The following AGXT2 variants were observed in gnomAD, a reference collection of about 807,000 sequenced individuals.
AGXT2 encodes the protein alanine--glyoxylate aminotransferase 2, also known as alanine--glyoxylate aminotransferase 2, mitochondrial.
In AGXT2, 61 loss-of-function variants were observed where a neutral mutation model predicts 62.5. The ratio of observed to expected loss-of-function variants is 0.98; its 90% CI spans 0.79 to 1.21. The LOEUF is 1.21. Among genes scored for constraint, AGXT2 ranks in the 50% most tolerant of loss-of-function variants. The pLI is 0.00. For synonymous variants in AGXT2, 243 were observed against 218.7 expected (o/e 1.11, Z -0.98); for missense variants, 666 against 641.5 (o/e 1.04, Z -0.41).
Position 35,040,648 on chromosome 5 carries a change from G to C in AGXT2, c.104C>G (p.Thr35Arg), listed in dbSNP as rs1464626621. 1.9e-6 allele frequency: 3 copies of C among 1,613,792 alleles called. No homozygotes were observed. The highest frequency in any genetic ancestry group is 2.5e-6 in the Non-Finnish European group (3 of 1,179,696). Residue 35 changes from threonine to arginine, a missense_variant, in exon 2 of 14, where the codon ACA (threonine) becomes AGA (arginine). Coordinates refer to ENST00000231420, the MANE Select transcript of AGXT2 (RefSeq NM_031900.4). ...HPFLSLGTSRTSVTKLSLHTK... is the reference protein window; with the variant it reads ...HPFLSLGTSRRSVTKLSLHTK... ...ATGAAGACTGAGCTTGGTTACTGAT[G>C]TCCGGGAAGTACCTACTGAAAGTGA...
intron 9 of AGXT2, among the ~76,000 whole-genome samples, chr5:35,018,071 T>C (rs1294069483): frequency 6.6e-6 from 1 of 152,128 alleles, no homozygotes; most frequent in East Asian, 1.9e-4. Context: ...TATGGGACTA[T>C]GTGAAAAGAC....
At chr5:35,008,079 T>C (rs191495) in intron 12 of AGXT2, among the ~76,000 whole-genome samples, 141,434 of 152,174 alleles carry the variant, frequency 0.93, 66,365 homozygotes, top group Non-Finnish European at 1. Flanking sequence ...GCTTCCTGTA[T>C]GGTCTGCAGA....
intron 7 of AGXT2, among the ~76,000 whole-genome samples, chr5:35,027,777 A>C (rs958182725): frequency 1.3e-5 from 2 of 150,680 alleles, no homozygotes; most frequent in Non-Finnish European, 2.9e-5. Context: ...GTAGGGCATT[A>C]GAGTCTAAGA....
intron 1 of AGXT2, among the ~76,000 whole-genome samples, chr5:35,041,188 T>C (rs186832214): frequency 1.2e-5 from 1 of 85,132 alleles, no homozygotes. Context: ...AATAAATACA[T>C]GCAAATAGAC....
chr5:35,015,683 C>T (rs540173426), intron 9 of AGXT2, among the ~76,000 whole-genome samples: 5 of 151,886 alleles, frequency 3.3e-5, no homozygotes, highest in South Asian at 2.1e-4. Context: ...AACCTCATCT[C>T]TACTAAAAAT....
chr5:35,017,067 T>G (rs186272766), intron 9 of AGXT2, among the ~76,000 whole-genome samples: 17 of 152,336 alleles, frequency 1.1e-4, no homozygotes, highest in Admixed American at 5.2e-4. Context: ...TGCCACTGAT[T>G]GTTAATTAAG....
At chr5:35,035,798 C>T (rs532034517) in intron 4 of AGXT2, among the ~76,000 whole-genome samples, 13 of 152,246 alleles carry the variant, frequency 8.5e-5, no homozygotes, top group South Asian at 8.3e-4. Flanking sequence ...GTAAACAAGC[C>T]GGGTGCGGTG....
chr5:34,998,352 G>T lies in AGXT2; in HGVS notation c.*367C>A. ...TCTTGAACTGAAGAGTGAGGGTGAA[G>T]AAAACTTTCCCTGAAGGCACCTCCA... On this transcript the variant is annotated 3_prime_UTR_variant, in exon 14 of 14. Transcript: ENST00000231420. 1 of 302,490 alleles carries T rather than the reference G, an allele frequency of 3.3e-6. No individual in the cohort carries two copies. The highest frequency in any genetic ancestry group is 3.7e-5 in the South Asian group (1 of 27,138). 18.7% of individuals were successfully genotyped at this position (302,490 alleles called of 1,614,324 possible).
At chr5:35,032,270 C>A (rs575224100) in intron 7 of AGXT2, among the ~76,000 whole-genome samples, 11 of 152,136 alleles carry the variant, frequency 7.2e-5, no homozygotes, top group Middle Eastern at 6.8e-3. Context: ...CTCTTTCATG[C>A]AGGCTGGAGT....
chr5:35,046,014 G>C (rs1012435157), intron 1 of AGXT2, among the ~76,000 whole-genome samples: 1 of 152,014 alleles, frequency 6.6e-6, no homozygotes, highest in South Asian at 2.1e-4. Flanking sequence ...TGATCCGCCC[G>C]CCTCAGCCTC....
intron 9 of AGXT2, among the ~76,000 whole-genome samples, chr5:35,017,386 T>C (rs1411653160): frequency 1.3e-5 from 2 of 152,184 alleles, no homozygotes; most frequent in Non-Finnish European, 2.9e-5. Context: ...GAATTGTAGC[T>C]CCCATAATTC....
At position 35,033,220 on chromosome 5, in the gene AGXT2, T is replaced by C. The variant is rs186034636; in HGVS notation, c.675+240A>G. 164 of 521,956 alleles carry C rather than the reference T, an allele frequency of 3.1e-4. 1 individual carries two copies. The highest frequency in any genetic ancestry group is 1.0e-3 in the Admixed American group (32 of 31,950). 32.3% of individuals were successfully genotyped at this position (521,956 alleles called of 1,614,324 possible). ...TCAAGATTCTCAGAGCCTTGCAGTT[T>C]ACTTGATTTTATTTAAAAGCAAAAT... On this transcript the variant is annotated intron_variant, in intron 6 of 13. Coordinates refer to ENST00000231420, the MANE Select transcript of AGXT2 (RefSeq NM_031900.4).
intron 9 of AGXT2, among the ~76,000 whole-genome samples, chr5:35,022,466 C>T (rs1339428930): frequency 5.3e-5 from 8 of 150,974 alleles, no homozygotes; most frequent in South Asian, 2.1e-4. Flanking sequence ...AGTAAAATAT[C>T]GCAAGAACAA....
chr5:35,039,280 G>A (rs1561233956), intron 3 of AGXT2, 44 bp downstream of exon 3: 2 of 1,582,384 alleles, frequency 1.3e-6, no homozygotes, highest in Admixed American at 3.3e-5. Flanking sequence ...TGTTTTCCAT[G>A]CATTCTTTTG....
In AGXT2 at chr5:35,006,475, A is replaced by G. The variant is rs544428338; in HGVS notation, c.1339-2614T>C. On this transcript the variant is annotated intron_variant, in intron 12 of 13. Transcript: ENST00000231420. ...ATGGCAGAAGGCAAAGGGTGAGCAG[A>G]TGGGTCGTGTGGGGAGAGCAGGAGC... Among the ~76,000 whole-genome samples the G allele has an allele frequency of 4.6e-5, 7 of 152,238 alleles. No homozygotes were observed. In the East Asian group the frequency reaches 9.6e-4, roughly 21 times the overall value.
Position 34,998,234 on chromosome 5 carries a change from AG to A in AGXT2, c.*484del, listed in dbSNP as rs1342020499. On this transcript the variant is annotated 3_prime_UTR_variant, in exon 14 of 14. Transcript: ENST00000231420. ...CATCCATCTTCCAACCTCACCAAAA[AG>A]GGTTGTCCTCATGACTACAAGCCGG... 4 of 177,576 alleles carry A rather than the reference AG, an allele frequency of 2.3e-5. No individual in the cohort carries two copies. Among genetic ancestry groups the A allele is most frequent in the Non-Finnish European group, 3.6e-5 (3 of 82,724 alleles). 11.0% of individuals were successfully genotyped at this position (177,576 alleles called of 1,614,324 possible).
intron 2 of AGXT2, 152 bp downstream of exon 2, chr5:35,040,423 A>G (rs1246166090): frequency 4.0e-6 from 3 of 740,922 alleles, no homozygotes; most frequent in Non-Finnish European, 7.1e-6. Context: ...AGAGGGTTTC[A>G]GATGCTTCCA....
At chr5:35,026,270 T>C in intron 8 of AGXT2, 140 bp downstream of exon 8, 2 of 766,156 alleles carry the variant, frequency 2.6e-6, no homozygotes, top group Non-Finnish European at 4.4e-6. Context: ...GTCTTCTTTT[T>C]TCAAGGAGAC....
At chr5:35,008,376 G>C (rs1408509270) in intron 12 of AGXT2, among the ~76,000 whole-genome samples, 1 of 152,120 alleles carries the variant, frequency 6.6e-6, no homozygotes, top group Non-Finnish European at 1.5e-5. Flanking sequence ...GTTGGGTTCA[G>C]AACAGAGAAA....
Sources: allele counts gnomAD v4.1 joint callset (sites outside exome capture counted in the v4.1 genomes callset), GRCh38; gene constraint gnomAD v4.1.1; transcripts MANE v1.5; gene names NCBI Gene and HGNC (gene_info 2026-07-23, HGNC 2026-07-21).